The following OLAH variants were observed in gnomAD, a reference collection of about 807,000 sequenced individuals.
OLAH encodes the protein S-acyl fatty acid synthase thioesterase, medium chain.
Under a neutral mutation model 27.8 loss-of-function variants are expected in OLAH, and 33 were observed. The ratio of observed to expected loss-of-function variants is 1.19; its 90% CI spans 0.90 to 1.59. OLAH has a LOEUF of 1.59. Among genes scored for constraint, OLAH ranks in the 40% most tolerant of loss-of-function variants. The pLI, the probability that OLAH is intolerant of heterozygous loss-of-function variation, is 0.00. For missense variants in OLAH, 359 were observed against 310.8 expected (o/e 1.16, Z -1.17); for synonymous variants, 120 against 102.9 (o/e 1.17, Z -1.01).
intron 3 of OLAH, chr10:15,056,892 G>A: frequency 6.5e-7 from 1 of 1,534,934 alleles, no homozygotes; most frequent in South Asian, 1.2e-5. Flanking sequence ...TCCTGCTTCA[G>A]CCTACCCATG....
chr10:15,054,214 T>C (rs1196320476), intron 3 of OLAH, among the ~76,000 whole-genome samples: 1 of 152,118 alleles, frequency 6.6e-6, no homozygotes, highest in African/African-American at 2.4e-5. Flanking sequence ...TTGATTTTTG[T>C]ATTTTTAGTA....
Position 15,064,415 on chromosome 10 carries a change from C to T in OLAH, c.315C>T (p.Tyr105=), listed in dbSNP as rs1844426312. Residue 105 remains tyrosine, a synonymous_variant, in exon 5 of 8, where the codon TAC becomes TAT. Transcript: ENST00000378228. The part of the protein sequence containing the change: ...FAFFGHSMGS[Y]IAFRTALGLK... ...TTGCTGAATTTAGTATGGGATCCTA[C>T]ATTGCTTTTAGGACTGCACTAGGTC... 6 of 1,592,964 alleles carry T rather than the reference C, an allele frequency of 3.8e-6. No homozygotes were observed. The highest frequency in any genetic ancestry group is 2.3e-5 in the East Asian group (1 of 43,960).
chr10:15,060,100 G>T (rs752750024), intron 3 of OLAH, among the ~76,000 whole-genome samples: 1 of 151,662 alleles, frequency 6.6e-6, no homozygotes, highest in Admixed American at 6.6e-5. Context: ...ATGTTAGATC[G>T]ATTTATAGTG....
intron 3 of OLAH, among the ~76,000 whole-genome samples, chr10:15,055,835 T>A (rs1024401686): frequency 6.6e-6 from 1 of 151,770 alleles, no homozygotes; most frequent in Non-Finnish European, 1.5e-5. Flanking sequence ...ATCTCTCATA[T>A]TTCTAACTTT....
chr10:15,060,551 A>G (rs1254651291), intron 3 of OLAH, among the ~76,000 whole-genome samples: 2 of 151,848 alleles, frequency 1.3e-5, no homozygotes, highest in African/African-American at 4.8e-5. Context: ...TCTGCTGTTA[A>G]TCCCATCTGG....
chr10:15,032,246 C>A (rs4750589), upstream of OLAH: 1 of 151,846 alleles, frequency 6.6e-6, no homozygotes, highest in Non-Finnish European at 1.5e-5. Context: ...GGATGCTTCC[C>A]GCCCTTGAAC....
At position 15,066,605 on chromosome 10, in the gene OLAH, T is replaced by TTTTATTTA. The variant is rs150391579; in HGVS notation, c.572+896_572+903dup. Among the ~76,000 whole-genome samples, 77 of 144,954 alleles carry TTTTATTTA rather than the reference T, an allele frequency of 5.3e-4. 1 individual carries two copies. Among genetic ancestry groups the TTTTATTTA allele is most frequent in the Middle Eastern group, 3.5e-3 (1 of 286 alleles). ...TCCCCAATAATCTTTCCTATTTTTATTTTATTTATTTATTTATTTATTTAT... is the reference window on the plus strand; with the variant it reads ...TCCCCAATAATCTTTCCTATTTTTATTTTATTTATTTATTTATTTATTTATTTATTTAT... On this transcript the variant is annotated intron_variant, in intron 6 of 7. Transcript: ENST00000378228.
intron 4 of OLAH, 95 bp from the exon 5 acceptor site, chr10:15,064,308 T>G: frequency 1.4e-6 from 1 of 693,042 alleles, no homozygotes; most frequent in Non-Finnish European, 2.5e-6. Context: ...TACATGATCA[T>G]TGTTGTGTTT....
chr10:15,042,849 C>CTTTTTTTTTTT (rs67828197), upstream of OLAH, among the ~76,000 whole-genome samples: 1 of 60,604 alleles, frequency 1.7e-5, no homozygotes, highest in Non-Finnish European at 2.9e-5. Context: ...ACCCACGTGT[C>CTTTTTTTTTTT]TTTTTTTTTT....
chr10:15,032,215 ACT>A (rs1417087956), upstream of OLAH: 2 of 151,798 alleles, frequency 1.3e-5, no homozygotes, highest in Non-Finnish European at 2.9e-5. Flanking sequence ...AGCCTCCCAG[ACT>A]CCATCTTTCT....
intron 3 of OLAH, among the ~76,000 whole-genome samples, chr10:15,052,180 G>A (rs1362667503): frequency 6.6e-6 from 1 of 152,158 alleles, no homozygotes; most frequent in Non-Finnish European, 1.5e-5. Context: ...CTACTCGGGA[G>A]GCTGAGGCAG....
At chr10:15,055,337 G>T (rs552619939) in intron 3 of OLAH, among the ~76,000 whole-genome samples, 5 of 152,278 alleles carry the variant, frequency 3.3e-5, no homozygotes, top group East Asian at 1.9e-4. Flanking sequence ...CACCTCGTTT[G>T]TGTGGGTGGG....
chr10:15,040,738 C>T (rs1843907500), upstream of OLAH, among the ~76,000 whole-genome samples: 1 of 152,132 alleles, frequency 6.6e-6, no homozygotes, highest in Non-Finnish European at 1.5e-5. Flanking sequence ...TGGTAGGAAG[C>T]AAGGAGGATG....
chr10:15,050,878 C>T (rs971354183), intron 3 of OLAH, among the ~76,000 whole-genome samples: 4 of 151,754 alleles, frequency 2.6e-5, no homozygotes, highest in Non-Finnish European at 4.4e-5. Context: ...CCACTGCAGC[C>T]GGCCTCTATA....
At chr10:15,037,648 G>A (rs1295910009) in intron 1 of OLAH, among the ~76,000 whole-genome samples, 8 of 151,832 alleles carry the variant, frequency 5.3e-5, no homozygotes, top group Admixed American at 2.0e-4. Flanking sequence ...AGGCCTAACC[G>A]ATAGCTAGAT....
chr10:15,034,276 G>A (rs1032541729), intron 1 of OLAH, among the ~76,000 whole-genome samples: 22 of 151,942 alleles, frequency 1.4e-4, no homozygotes, highest in Non-Finnish European at 2.5e-4. Context: ...GGGATTACAG[G>A]CTCCCACCAC....
chr10:15,068,479 G>A (rs1411751424), intron 6 of OLAH, among the ~76,000 whole-genome samples: 3 of 152,050 alleles, frequency 2.0e-5, no homozygotes, highest in Non-Finnish European at 4.4e-5. Context: ...TGCAACCTCC[G>A]TCTCCTGGGT....
chr10:15,047,301 G>C lies in OLAH; in HGVS notation c.13G>C (p.Asp5His), dbSNP rs547360775. Reference protein sequence around the residue: MERGDQPKRTRNENI... With the variant: MERGHQPKRTRNENI... Reference sequence around the variant, plus strand: ...CTCACCTCACAGCATGGAGAGAGGAGACCAACCTAAGAGAACCAGGCAGGC... The same window carrying C: ...CTCACCTCACAGCATGGAGAGAGGACACCAACCTAAGAGAACCAGGCAGGC... The change falls in exon 2 of 8, where the codon GAC becomes CAC. Residue 5 changes from aspartate to histidine, a missense_variant. Coordinates refer to ENST00000378228, the MANE Select transcript of OLAH (RefSeq NM_001039702.3). 2.0e-5 allele frequency: 33 copies of C among 1,613,616 alleles called. No homozygotes were observed. The East Asian group carries it at 6.9e-4, about 34-fold the overall frequency.
At chr10:15,057,689 G>A (rs1419544914) in intron 3 of OLAH, among the ~76,000 whole-genome samples, 1 of 151,982 alleles carries the variant, frequency 6.6e-6, no homozygotes, top group Non-Finnish European at 1.5e-5. Context: ...CCTGGGCCGG[G>A]TTCTCTATTC....
Sources: gnomAD v4.1 joint callset for allele counts (sites outside exome capture counted in the v4.1 genomes callset) on GRCh38, gnomAD v4.1.1 for gene constraint, MANE v1.5 for transcripts, NCBI Gene and HGNC (gene_info 2026-07-23, HGNC 2026-07-21) for gene names.